Variants in MGAT4C observed in about 807,000 individuals in gnomAD.
The protein encoded by MGAT4C is alpha-1,3-mannosyl-glycoprotein 4-beta-N-acetylglucosaminyltransferase C.
MGAT4C carries 19 observed loss-of-function variants against 40.1 expected under a neutral mutation model. The ratio of observed to expected loss-of-function variants is 0.47; its 90% confidence interval spans 0.33 to 0.70. MGAT4C has a LOEUF of 0.70. Among genes scored for constraint, MGAT4C ranks in the 30% least tolerant of loss-of-function variants. MGAT4C has a pLI of 0.02. For synonymous variants in MGAT4C, 181 were observed against 187.1 expected, an observed-to-expected ratio of 0.97 and a Z score of 0.27; for missense variants, 491 against 563.2, an observed-to-expected ratio of 0.87 and a Z score of 1.30.
chr12:86,418,590 CAATAAATAAATAAATA>C (rs57242289), intron 3 of MGAT4C, among the ~76,000 whole-genome samples: 2 of 145,662 alleles, frequency 1.4e-5, no homozygotes, highest in African/African-American at 5.0e-5. Context: ...GACTCCATCT[CAATAAATAAATAAATA>C]AATAAATAAA....
chr12:86,395,958 T>C (rs77530499), intron 3 of MGAT4C, among the ~76,000 whole-genome samples: 2,013 of 152,302 alleles, frequency 0.013, 26 homozygotes, highest in South Asian at 0.044. Flanking sequence ...TGGATATTTT[T>C]ATTTAGTATA....
intron 1 of MGAT4C, among the ~76,000 whole-genome samples, chr12:86,149,722 GT>G (rs1239649288): frequency 1.3e-5 from 2 of 152,128 alleles, no homozygotes; most frequent in Non-Finnish European, 2.9e-5. Context: ...TTCAACAGGG[GT>G]CTCATATTAT....
chr12:86,549,089 A>G (rs1959230916), intron 2 of MGAT4C, among the ~76,000 whole-genome samples: 1 of 152,174 alleles, frequency 6.6e-6, no homozygotes, highest in Non-Finnish European at 1.5e-5. Context: ...CAGATAAGGT[A>G]TATAGTAGCA....
chr12:86,318,167 T>C (rs1414323466), intron 4 of MGAT4C, among the ~76,000 whole-genome samples: 7 of 152,158 alleles, frequency 4.6e-5, no homozygotes. Flanking sequence ...TTATTTGGTT[T>C]AATTTTCTTT....
chr12:86,538,512 C>T (rs1959112124), intron 2 of MGAT4C, among the ~76,000 whole-genome samples: 2 of 151,924 alleles, frequency 1.3e-5, no homozygotes, highest in South Asian at 2.1e-4. Context: ...CAGCTGGGGT[C>T]ACCAGAAGCT....
chr12:86,301,584 T>C (rs1175237610), intron 4 of MGAT4C, among the ~76,000 whole-genome samples: 1 of 152,192 alleles, frequency 6.6e-6, no homozygotes, highest in Non-Finnish European at 1.5e-5. Context: ...TATCTTCTAG[T>C]TGATTTTGTT....
At chr12:86,764,159 C>A (rs553973043) in intron 1 of MGAT4C, among the ~76,000 whole-genome samples, 11 of 152,108 alleles carry the variant, frequency 7.2e-5, no homozygotes, top group East Asian at 3.9e-4. Flanking sequence ...CATTCCCACC[C>A]GAATACTGTG....
At chr12:86,805,070 A>G (rs1452543479) in intron 1 of MGAT4C, among the ~76,000 whole-genome samples, 1 of 152,082 alleles carries the variant, frequency 6.6e-6, no homozygotes, top group Non-Finnish European at 1.5e-5. Flanking sequence ...GTTATCAGAA[A>G]TGCACATTTG....
chr12:86,005,406 A>G (rs1318841535), intron 2 of MGAT4C, among the ~76,000 whole-genome samples: 1 of 152,210 alleles, frequency 6.6e-6, no homozygotes, highest in Non-Finnish European at 1.5e-5. Context: ...TTATATTTAT[A>G]AGGTTTTGAC....
intron 1 of MGAT4C, among the ~76,000 whole-genome samples, chr12:86,183,109 A>T (rs1593169269): frequency 6.6e-6 from 1 of 152,310 alleles, no homozygotes; most frequent in Non-Finnish European, 1.5e-5. Flanking sequence ...GTAAAAGTAG[A>T]TTCCTGATTT....
At chr12:86,621,652 A>G (rs1357244798) in intron 2 of MGAT4C, among the ~76,000 whole-genome samples, 23 of 151,878 alleles carry the variant, frequency 1.5e-4, no homozygotes, top group Non-Finnish European at 4.4e-5. Context: ...CTAATTTTTT[A>G]TAGTTTTGTA....
At chr12:86,484,769 A>C (rs1014593460) in intron 2 of MGAT4C, among the ~76,000 whole-genome samples, 14 of 152,022 alleles carry the variant, frequency 9.2e-5, no homozygotes, top group Non-Finnish European at 1.9e-4. Context: ...TGCCCAGAAC[A>C]CCTGCCAAAG....
intron 2 of MGAT4C, among the ~76,000 whole-genome samples, chr12:86,450,573 T>G (rs1957409265): frequency 6.6e-6 from 1 of 152,144 alleles, no homozygotes; most frequent in South Asian, 2.1e-4. Flanking sequence ...TTAACATATA[T>G]TTAACTATAT....
intron 4 of MGAT4C, among the ~76,000 whole-genome samples, chr12:86,308,698 G>C (rs1395115907): frequency 4.0e-5 from 6 of 150,466 alleles, no homozygotes; most frequent in Non-Finnish European, 8.8e-5. Flanking sequence ...ATTCTTTCTT[G>C]CTTCAATCAA....
intron 3 of MGAT4C, among the ~76,000 whole-genome samples, chr12:86,413,116 T>C (rs1340564467): frequency 1.3e-5 from 2 of 152,044 alleles, no homozygotes; most frequent in African/African-American, 4.8e-5. Flanking sequence ...TTATGTTAAA[T>C]TGTGTGTCTG....
At chr12:86,569,012 A>C (rs1960249885) in intron 2 of MGAT4C, among the ~76,000 whole-genome samples, 2 of 151,970 alleles carry the variant, frequency 1.3e-5, no homozygotes, top group Admixed American at 6.6e-5. Flanking sequence ...TACATGAATA[A>C]ATTTAACCAA....
At chr12:86,743,901 T>C (rs778999681) in intron 1 of MGAT4C, among the ~76,000 whole-genome samples, 3 of 151,580 alleles carry the variant, frequency 2.0e-5, no homozygotes, top group Non-Finnish European at 4.4e-5. Flanking sequence ...AGTATGAACG[T>C]TGGTATCAGC....
chr12:86,506,640 G>T (rs1958476978), intron 2 of MGAT4C, among the ~76,000 whole-genome samples: 1 of 151,992 alleles, frequency 6.6e-6, no homozygotes, highest in African/African-American at 2.4e-5. Context: ...AATACATTAG[G>T]CCACAATAAT....
intron 1 of MGAT4C, among the ~76,000 whole-genome samples, chr12:86,209,715 G>C (rs1216543102): frequency 2.6e-5 from 4 of 152,146 alleles, no homozygotes; most frequent in Non-Finnish European, 1.5e-5. Flanking sequence ...TAAAGAGGAA[G>C]TGGATGAAGC....
Sources: allele counts gnomAD v4.1 joint callset (sites outside exome capture counted in the v4.1 genomes callset), GRCh38; gene constraint gnomAD v4.1.1; transcripts MANE v1.5; gene names NCBI Gene and HGNC (gene_info 2026-07-23, HGNC 2026-07-21).